The following ARHGDIB variants were observed in gnomAD, a reference collection of about 807,000 sequenced individuals.
ARHGDIB encodes Rho GDP dissociation inhibitor beta.
A neutral mutation model predicts 22.6 loss-of-function variants in ARHGDIB; 20 were observed. The observed-to-expected ratio is 0.88, with a 90% CI of 0.62 to 1.28. ARHGDIB has a LOEUF of 1.28. Ranked by LOEUF, ARHGDIB falls within the 50% of genes most tolerant of loss-of-function variation. The pLI is 0.00. For synonymous variants in ARHGDIB, 114 were observed against 96.1 expected, an observed-to-expected ratio of 1.19 and a Z score of -1.09; for missense variants, 254 against 245.4, an observed-to-expected ratio of 1.04 and a Z score of -0.23.
At chr12:14,949,433 A>G (rs568250892) in intron 3 of ARHGDIB, among the ~76,000 whole-genome samples, 8 of 151,884 alleles carry the variant, frequency 5.3e-5, no homozygotes, top group Non-Finnish European at 1.0e-4. Context: ...TGGATAGAAG[A>G]TCAATACTTT....
chr12:14,943,127 C>T (rs978052911), intron 5 of ARHGDIB, among the ~76,000 whole-genome samples: 3 of 152,146 alleles, frequency 2.0e-5, no homozygotes, highest in African/African-American at 7.2e-5. Context: ...CTCGGCCTCC[C>T]AAAGTACTGG....
At chr12:14,953,548 C>G (rs1390239890) in intron 1 of ARHGDIB, among the ~76,000 whole-genome samples, 1 of 152,080 alleles carries the variant, frequency 6.6e-6, no homozygotes, top group East Asian at 1.9e-4. Flanking sequence ...AAAGGGCCCA[C>G]CTGGTTTGGT....
intron 3 of ARHGDIB, 52 bp from the exon 4 acceptor site, chr12:14,948,001 T>C: frequency 6.7e-7 from 1 of 1,490,644 alleles, no homozygotes; most frequent in South Asian, 1.1e-5. Flanking sequence ...ATACACAAGT[T>C]AATAAATGAC....
chr12:14,942,126 T>C lies in ARHGDIB; in HGVS notation c.*396A>G, dbSNP rs1173834352. ...GGCAGGGGATGTGACTAGGGACTCA[T>C]TGGGCCAGCAACAACCACAAAAGAA... On this transcript the variant is annotated 3_prime_UTR_variant, in exon 6 of 6. Coordinates refer to ENST00000228945, the MANE Select transcript of ARHGDIB (RefSeq NM_001175.7). 1.4e-5 allele frequency: 3 copies of C among 210,094 alleles called. No individual in the cohort carries two copies. The highest frequency in any genetic ancestry group is 1.1e-4 in the East Asian group (1 of 8,744). The allele number at this position is 210,094 out of a possible 1,614,324, so 13.0% of individuals were successfully genotyped here. A position where few individuals can be genotyped will look rare whatever the true frequency, so the allele number is the denominator to read the frequency against.
intron 4 of ARHGDIB, among the ~76,000 whole-genome samples, chr12:14,945,335 T>C (rs1043776998): frequency 6.6e-6 from 1 of 152,246 alleles, no homozygotes; most frequent in African/African-American, 2.4e-5. Context: ...AATTCATGTC[T>C]AGAAGATGGC....
chr12:14,956,706 T>A (rs1197048770), intron 1 of ARHGDIB, among the ~76,000 whole-genome samples: 1 of 152,236 alleles, frequency 6.6e-6, no homozygotes, highest in Non-Finnish European at 1.5e-5. Context: ...TAGTTTTCTG[T>A]ATTTTCTGCT....
intron 4 of ARHGDIB, among the ~76,000 whole-genome samples, chr12:14,946,231 A>G (rs547411676): frequency 6.6e-6 from 1 of 152,320 alleles, no homozygotes; most frequent in African/African-American, 2.4e-5. Context: ...GAGCTGTGGA[A>G]GTCAGAGATA....
chr12:14,959,824 C>T (rs1864375567), intron 1 of ARHGDIB, among the ~76,000 whole-genome samples: 1 of 152,174 alleles, frequency 6.6e-6, no homozygotes, highest in African/African-American at 2.4e-5. Flanking sequence ...ATAGTTAGTC[C>T]TCAGGTTTTG....
chr12:14,947,261 G>C (rs925090986), intron 4 of ARHGDIB, among the ~76,000 whole-genome samples: 2 of 152,110 alleles, frequency 1.3e-5, no homozygotes, highest in Non-Finnish European at 2.9e-5. Context: ...TGGCTCATTG[G>C]GATATATTAG....
intron 4 of ARHGDIB, among the ~76,000 whole-genome samples, chr12:14,947,517 A>G (rs185293045): frequency 6.6e-6 from 1 of 152,366 alleles, no homozygotes; most frequent in Non-Finnish European, 1.5e-5. Flanking sequence ...TGGAAAGGAG[A>G]GATGTACAAT....
intron 5 of ARHGDIB, among the ~76,000 whole-genome samples, chr12:14,944,290 T>A (rs1193185538): frequency 2.6e-5 from 4 of 151,900 alleles, no homozygotes; most frequent in African/African-American, 9.7e-5. Context: ...TAGAAAATAT[T>A]TTTTTTTCTA....
intron 1 of ARHGDIB, among the ~76,000 whole-genome samples, chr12:14,952,762 G>A (rs766221872): frequency 1.6e-4 from 25 of 152,270 alleles, no homozygotes; most frequent in Admixed American, 1.2e-3. Context: ...ACCGAGCATC[G>A]GAACAACGGT....
Position 14,942,678 on chromosome 12 carries a change from A to T in ARHGDIB, c.450T>A (p.Pro150=). 6.2e-7 allele frequency: 1 copy of T among 1,614,156 alleles called. No individual in the cohort carries two copies. The highest frequency in any genetic ancestry group is 1.1e-5 in the South Asian group (1 of 91,090). The part of the protein sequence containing the change: ...TFMVGSYGPR[P]EEYEFLTPVE... ...CTGGAGTGAGGAACTCATACTCCTC[A>T]GGCCGAGGTCCATAGCTGCCAACCA... Residue 150 remains proline (P), a synonymous_variant, in exon 6 of 6, where the codon CCT becomes CCA. Transcript: ENST00000228945.
At chr12:14,960,303 G>A (rs529781908) in intron 1 of ARHGDIB, among the ~76,000 whole-genome samples, 9 of 152,278 alleles carry the variant, frequency 5.9e-5, no homozygotes, top group Non-Finnish European at 8.8e-5. Flanking sequence ...CTCTAAAAGG[G>A]AAGAAAGTAT....
At chr12:14,956,861 G>A (rs1468108205) in intron 1 of ARHGDIB, among the ~76,000 whole-genome samples, 1 of 152,190 alleles carries the variant, frequency 6.6e-6, no homozygotes, top group Non-Finnish European at 1.5e-5. Flanking sequence ...AATTAAATTA[G>A]GATGGTTACT....
rs114570547 is a variant in ARHGDIB at position 14,947,165 on chromosome 12, C to T, written c.342+708G>A. On this transcript the variant is annotated intron_variant, in intron 4 of 5. Coordinates refer to ENST00000228945, the MANE Select transcript of ARHGDIB (RefSeq NM_001175.7). ...AGGCCACCAAAGCAAACATAAACCA[C>T]GAAGTGCAAACACTGCATTTCTAAC... Among the ~76,000 whole-genome samples, 1,139 of 152,332 alleles carry T rather than the reference C, an allele frequency of 7.5e-3. 10 individuals carry two copies. Among genetic ancestry groups the T allele is most frequent in the African/African-American group, 0.026 (1,101 of 41,580 alleles).
At position 14,947,872 on chromosome 12, in the gene ARHGDIB, C is replaced by T. The variant is rs751110212; in HGVS notation, c.342+1G>A. On this transcript the variant is annotated splice_donor_variant, in intron 4 of 5. Transcript: ENST00000228945. LOFTEE classifies it high-confidence loss of function. ...AAAAACACACAAGGCAGGATACTTA[C>T]TTTGAAGTGAATTTTGACTCTATAT... The T allele has an allele frequency of 6.2e-7, 1 of 1,606,058 alleles. No homozygotes were observed. Among genetic ancestry groups the T allele is most frequent in the Non-Finnish European group, 8.5e-7 (1 of 1,172,714 alleles).
intron 5 of ARHGDIB, among the ~76,000 whole-genome samples, chr12:14,943,817 G>A (rs1863941794): frequency 6.6e-6 from 1 of 152,202 alleles, no homozygotes. Flanking sequence ...GCTAAGTGTT[G>A]CTAATAAGTT....
intron 1 of ARHGDIB, among the ~76,000 whole-genome samples, chr12:14,955,019 T>A (rs1173096244): frequency 6.6e-6 from 1 of 152,238 alleles, no homozygotes; most frequent in Non-Finnish European, 1.5e-5. Context: ...CCCCAACAGA[T>A]GCTGCATATT....
Sources: allele counts gnomAD v4.1 joint callset (sites outside exome capture counted in the v4.1 genomes callset), GRCh38; gene constraint gnomAD v4.1.1; transcripts MANE v1.5; gene names NCBI Gene and HGNC (gene_info 2026-07-23, HGNC 2026-07-21).